YWHAE: variants seen among roughly 807,000 people sequenced by gnomAD.
YWHAE encodes the protein 14-3-3 protein epsilon.
YWHAE carries 4 observed loss-of-function variants against 30.1 expected under a neutral mutation model. That is an observed-to-expected ratio of 0.13 (90% CI 0.07 to 0.30). The LOEUF (loss-of-function observed/expected upper bound fraction) is 0.30. Ranked by LOEUF, YWHAE falls within the 10% of genes least tolerant of loss-of-function variation. The pLI, the probability that YWHAE is intolerant of heterozygous loss-of-function variation, is 1.00. For synonymous variants in YWHAE, 118 were observed against 111.8 expected (o/e 1.06, Z -0.35); for missense variants, 121 against 315.9 (o/e 0.38, Z 4.68).
At chr17:1,348,029 G>A (rs2072555860) in intron 5 of YWHAE, 3 of 1,002,742 alleles carry the variant, frequency 3.0e-6, no homozygotes, top group Non-Finnish European at 3.6e-6. Context: ...AGGAAAAAGG[G>A]AGGGAGAACA....
chr17:1,361,404 A>T (rs2072863213), intron 3 of YWHAE, 106 bp from the exon 4 acceptor site: 2 of 876,606 alleles, frequency 2.3e-6, no homozygotes, highest in African/African-American at 1.7e-5. Flanking sequence ...TGTGACAAAA[A>T]TATATGTAAC....
At chr17:1,364,349 C>T (rs2072911437) in intron 2 of YWHAE, among the ~76,000 whole-genome samples, 1 of 151,980 alleles carries the variant, frequency 6.6e-6, no homozygotes, top group African/African-American at 2.4e-5. Context: ...GCCTCAGCCT[C>T]CCGAGTAGCT....
intron 4 of YWHAE, among the ~76,000 whole-genome samples, chr17:1,358,398 C>T (rs2150846704): frequency 6.6e-6 from 1 of 152,210 alleles, no homozygotes; most frequent in South Asian, 2.1e-4. Context: ...CGCCACCACG[C>T]CCGGCTGATT....
chr17:1,371,246 C>G (rs1357129752), intron 1 of YWHAE, among the ~76,000 whole-genome samples: 2 of 152,108 alleles, frequency 1.3e-5, no homozygotes, highest in African/African-American at 4.8e-5. Context: ...TTACGCCCAG[C>G]TAATTTTTAT....
intron 1 of YWHAE, among the ~76,000 whole-genome samples, chr17:1,380,188 A>ACTGCAACCTCCGCCTCC (rs1433175906): frequency 6.8e-6 from 1 of 146,138 alleles, no homozygotes; most frequent in African/African-American, 2.6e-5. Flanking sequence ...ATCTCGGCTC[A>ACTGCAACCTCCGCCTCC]CTGCAACCTC....
rs1358141526 is a variant in YWHAE, at chr17:1,345,204, G to A, written c.*243C>T. The A allele has an allele frequency of 1.8e-6, 1 of 555,986 alleles. No homozygotes were observed. Among genetic ancestry groups the A allele is most frequent in the African/African-American group, 1.9e-5 (1 of 52,064 alleles). The allele number at this position is 555,986 out of a possible 1,614,324, so 34.4% of individuals were successfully genotyped here. The stretch of plus-strand genomic sequence containing the variant: ...GCTGAAAAAGCCTCTATGTAGTCCT[G>A]TTAGTGTCTTAAAGAACCTAAAAGC... On this transcript the variant is annotated 3_prime_UTR_variant, in exon 6 of 6. Transcript: ENST00000264335.
At chr17:1,359,594 A>G (rs940626064) in intron 4 of YWHAE, among the ~76,000 whole-genome samples, 3 of 152,094 alleles carry the variant, frequency 2.0e-5, no homozygotes, top group African/African-American at 7.2e-5. Context: ...GACAGCCACA[A>G]AAGGACAAAT....
intron 4 of YWHAE, among the ~76,000 whole-genome samples, chr17:1,355,290 G>C (rs550512589): frequency 6.7e-6 from 1 of 149,694 alleles, no homozygotes; most frequent in African/African-American, 2.5e-5. Flanking sequence ...CCGAGTAGCC[G>C]GGACTACAGG....
intron 2 of YWHAE, among the ~76,000 whole-genome samples, 183 bp from the exon 3 acceptor site, chr17:1,362,191 G>A (rs1567964291): frequency 6.6e-6 from 1 of 151,966 alleles, no homozygotes; most frequent in Admixed American, 6.6e-5. Context: ...GTTATAAAAA[G>A]TATCTTTTCC....
At chr17:1,350,198 C>T (rs994983720) in intron 5 of YWHAE, among the ~76,000 whole-genome samples, 4 of 151,848 alleles carry the variant, frequency 2.6e-5, no homozygotes, top group Non-Finnish European at 5.9e-5. Flanking sequence ...GTGATCCACC[C>T]GCTTCGGCCT....
intron 5 of YWHAE, 99 bp downstream of exon 5, chr17:1,354,112 T>C (rs2072687018): frequency 1.1e-5 from 16 of 1,453,108 alleles, no homozygotes; most frequent in Admixed American, 2.3e-5. Flanking sequence ...TGAATCTAAA[T>C]TCTAGCTTGA....
intron 4 of YWHAE, among the ~76,000 whole-genome samples, chr17:1,358,435 T>A (rs1198912891): frequency 6.6e-6 from 1 of 151,452 alleles, no homozygotes; most frequent in Non-Finnish European, 1.5e-5. Flanking sequence ...GAGACGGGGT[T>A]TCACCACGTT....
chr17:1,376,380 GA>G (rs2073124308), intron 1 of YWHAE, among the ~76,000 whole-genome samples: 1 of 139,146 alleles, frequency 7.2e-6, no homozygotes, highest in South Asian at 2.4e-4. Context: ...CAGACAGAAA[GA>G]AAGAAAAAGA....
Position 1,388,105 on chromosome 17 carries a change from TTTTTTTTGGTTGG to T in YWHAE, c.64+11929_64+11941del, listed in dbSNP as rs1353084748. 4.6e-3 allele frequency among the ~76,000 whole-genome samples: 214 copies of T among 46,364 alleles called. 19 individuals carry two copies. Among genetic ancestry groups the T allele is most frequent in the East Asian group, 0.028 (53 of 1,914 alleles). The allele number at this position is 46,364 out of a possible 152,430, so 30.4% of individuals were successfully genotyped here. A position where few individuals can be genotyped will look rare whatever the true frequency, so the allele number is the denominator to read the frequency against. On this transcript the variant is annotated intron_variant, in intron 1 of 5. Coordinates refer to ENST00000264335, the MANE Select transcript of YWHAE (RefSeq NM_006761.5). ...CACCACGCCTGGGTAATTTTTGTTT[TTTTTTTTGGTTGG>T]TTTTTTTTTTTTTTTTTTTTTTTTA...
At chr17:1,356,021 T>C (rs887490336) in intron 4 of YWHAE, among the ~76,000 whole-genome samples, 1 of 151,980 alleles carries the variant, frequency 6.6e-6, no homozygotes. Flanking sequence ...ACAAAAAAAT[T>C]AGCCGGGAGC....
chr17:1,360,621 T>C (rs904572813), intron 4 of YWHAE, among the ~76,000 whole-genome samples: 4 of 151,852 alleles, frequency 2.6e-5, no homozygotes, highest in African/African-American at 9.7e-5. Flanking sequence ...AAAAAATTAG[T>C]TGGGCATGGT....
chr17:1,389,492 G>A (rs1279638466), intron 1 of YWHAE, among the ~76,000 whole-genome samples: 1 of 151,672 alleles, frequency 6.6e-6, no homozygotes, highest in African/African-American at 2.4e-5. Context: ...AATCTGAGAT[G>A]GCTAAAATGC....
intron 1 of YWHAE, among the ~76,000 whole-genome samples, chr17:1,371,364 T>C (rs191026891): frequency 2.9e-4 from 44 of 152,136 alleles, no homozygotes; most frequent in Non-Finnish European, 5.3e-4. Flanking sequence ...AAATTACAAA[T>C]GTGCACCACT....
At chr17:1,388,138 T>G (rs1338588814) in intron 1 of YWHAE, among the ~76,000 whole-genome samples, 1 of 117,812 alleles carries the variant, frequency 8.5e-6, no homozygotes, top group East Asian at 2.4e-4. Context: ...TTTTTTTTTT[T>G]TTTTAGTAGA....
Sources: allele counts gnomAD v4.1 joint callset (sites outside exome capture counted in the v4.1 genomes callset), GRCh38; gene constraint gnomAD v4.1.1; transcripts MANE v1.5; gene names NCBI Gene and HGNC (gene_info 2026-07-23, HGNC 2026-07-21).